Variants in RUNX1 observed in about 807,000 individuals in gnomAD.
The protein encoded by RUNX1 is RUNX family transcription factor 1.
A neutral mutation model predicts 42.8 loss-of-function variants in RUNX1; 19 were observed. That is an observed-to-expected ratio of 0.44 (90% CI 0.31 to 0.65). The LOEUF (loss-of-function observed/expected upper bound fraction) is 0.65. RUNX1 is among the 30% of genes least tolerant of loss of function. The pLI is 0.07. For missense variants in RUNX1, 528 were observed against 672.0 expected (o/e 0.79, Z 2.37); for synonymous variants, 271 against 289.4 (o/e 0.94, Z 0.64).
At position 34,790,016 on chromosome 21, in the gene RUNX1, T is replaced by A; in HGVS notation, c.*2119A>T. On this transcript the variant is annotated 3_prime_UTR_variant, in exon 9 of 9. Coordinates refer to ENST00000675419, the MANE Select transcript of RUNX1 (RefSeq NM_001754.5). ...TAAATTTTTACATTTGCTGACATTT[T>A]ATGGTAATTTAGCTGCAAAAATGTA... The A allele has an allele frequency of 4.3e-6, 1 of 233,140 alleles. No individual in the cohort carries two copies. Among genetic ancestry groups the A allele is most frequent in the Non-Finnish European group, 8.5e-6 (1 of 117,990 alleles). 14.4% of individuals were successfully genotyped at this position (233,140 alleles called of 1,614,324 possible). A position where few individuals can be genotyped will look rare whatever the true frequency, so the allele number is the denominator to read the frequency against.
chr21:34,801,449 T>A (rs1238828248), intron 7 of RUNX1, among the ~76,000 whole-genome samples: 1 of 152,252 alleles, frequency 6.6e-6, no homozygotes, highest in East Asian at 1.9e-4. Flanking sequence ...TTGCATAATA[T>A]TTCACAGCCT....
intron 2 of RUNX1, among the ~76,000 whole-genome samples, chr21:34,978,923 A>AACAC (rs1166279390): frequency 1.1e-5 from 1 of 87,592 alleles, no homozygotes; most frequent in Non-Finnish European, 2.5e-5. Context: ...TCTCAGACAA[A>AACAC]ACACACACAC....
chr21:34,821,135 C>T, intron 7 of RUNX1: 1 of 822,126 alleles, frequency 1.2e-6, no homozygotes, highest in African/African-American at 1.8e-5. Context: ...CCACCAATAC[C>T]TTTATCCACT....
intron 2 of RUNX1, among the ~76,000 whole-genome samples, chr21:35,034,542 A>G (rs143978736): frequency 1.3e-5 from 2 of 152,344 alleles, no homozygotes; most frequent in African/African-American, 4.8e-5. Context: ...TCCAAAAAAC[A>G]TTCCAGATTT....
At chr21:35,041,466 T>G (rs953330665) in intron 2 of RUNX1, among the ~76,000 whole-genome samples, 1 of 151,866 alleles carries the variant, frequency 6.6e-6, no homozygotes, top group African/African-American at 2.4e-5. Context: ...AAGAAGTCCA[T>G]CAAAAAATGG....
chr21:34,978,136 C>T (rs2058817111), intron 2 of RUNX1, among the ~76,000 whole-genome samples: 1 of 152,130 alleles, frequency 6.6e-6, no homozygotes, highest in African/African-American at 2.4e-5. Context: ...GACGGGGTTT[C>T]ACCGTGTTAG....
intron 2 of RUNX1, among the ~76,000 whole-genome samples, chr21:34,924,399 T>C (rs1292661934): frequency 6.6e-6 from 1 of 152,082 alleles, no homozygotes; most frequent in Admixed American, 6.6e-5. Context: ...TGGTGACTAA[T>C]TGTCTTGGAA....
At chr21:34,929,565 G>A (rs1418323898) in intron 2 of RUNX1, among the ~76,000 whole-genome samples, 3 of 152,124 alleles carry the variant, frequency 2.0e-5, no homozygotes, top group Non-Finnish European at 4.4e-5. Context: ...AATACCTTGA[G>A]GGAATACCTT....
chr21:34,841,903 G>A (rs189658584), intron 6 of RUNX1, among the ~76,000 whole-genome samples: 4 of 152,238 alleles, frequency 2.6e-5, no homozygotes, highest in Admixed American at 2.0e-4. Flanking sequence ...GCACCCATGG[G>A]ACTGTAAAGT....
At chr21:34,905,992 C>G (rs1288799444) in intron 2 of RUNX1, among the ~76,000 whole-genome samples, 1 of 152,158 alleles carries the variant, frequency 6.6e-6, no homozygotes, top group African/African-American at 2.4e-5. Flanking sequence ...AACAAGAATC[C>G]TCTCTCCTGG....
At chr21:34,928,002 G>C (rs2058408875) in intron 2 of RUNX1, among the ~76,000 whole-genome samples, 1 of 152,192 alleles carries the variant, frequency 6.6e-6, no homozygotes, top group South Asian at 2.1e-4. Context: ...GTAGGACCCA[G>C]TCTTTGGTGT....
In RUNX1 at chr21:34,792,674, C is replaced by T; in HGVS notation, c.968-64G>A. ...GAGGTTGCGGAGGCCACAGCTCTTC[C>T]CTCTGCCCCAGGGGGCTACCCAGGA... On this transcript the variant is annotated intron_variant, in intron 8 of 8. Transcript: ENST00000675419. The surrounding 1 kb of genome is among the most constrained non-coding windows in gnomAD (Gnocchi z 6.9). 1 of 1,453,712 alleles carries T rather than the reference C, an allele frequency of 6.9e-7. No individual in the cohort carries two copies. The highest frequency in any genetic ancestry group is 9.3e-7 in the Non-Finnish European group (1 of 1,078,798). 90.1% of individuals were successfully genotyped at this position (1,453,712 alleles called of 1,614,324 possible).
At chr21:34,862,599 A>C (rs1319983723) in intron 5 of RUNX1, among the ~76,000 whole-genome samples, 1 of 152,058 alleles carries the variant, frequency 6.6e-6, no homozygotes, top group Admixed American at 6.6e-5. Flanking sequence ...GCGTTTCCTG[A>C]CTTGCAGCTG....
chr21:35,037,659 G>A (rs1037941802), intron 2 of RUNX1, among the ~76,000 whole-genome samples: 3 of 152,176 alleles, frequency 2.0e-5, no homozygotes, highest in Non-Finnish European at 4.4e-5. Flanking sequence ...CTAACCACAA[G>A]CAGGTCACGT....
intron 2 of RUNX1, among the ~76,000 whole-genome samples, chr21:35,036,706 T>G (rs1318842278): frequency 6.6e-6 from 1 of 152,214 alleles, no homozygotes; most frequent in Non-Finnish European, 1.5e-5. Context: ...CCAGTAGGCG[T>G]GTGCATCTCA....
chr21:35,031,893 GTTAT>G (rs1050460059), intron 2 of RUNX1, among the ~76,000 whole-genome samples: 1 of 152,208 alleles, frequency 6.6e-6, no homozygotes, highest in Non-Finnish European at 1.5e-5. Context: ...TTAAAAAGAA[GTTAT>G]TTATTTTGGT....
chr21:34,831,416 G>C (rs757183389), intron 7 of RUNX1, among the ~76,000 whole-genome samples: 4 of 152,214 alleles, frequency 2.6e-5, no homozygotes, highest in Non-Finnish European at 5.9e-5. Flanking sequence ...TCCAGCACAT[G>C]TGATTCTAGG....
intron 4 of RUNX1, among the ~76,000 whole-genome samples, chr21:34,885,487 A>C (rs2057969713): frequency 6.6e-6 from 1 of 152,228 alleles, no homozygotes; most frequent in Non-Finnish European, 1.5e-5. Context: ...CCACTAAAAA[A>C]CAAAACAAAC....
chr21:34,925,383 A>G (rs746476540), intron 2 of RUNX1, among the ~76,000 whole-genome samples: 4 of 152,282 alleles, frequency 2.6e-5, no homozygotes, highest in Non-Finnish European at 4.4e-5. Flanking sequence ...TGCAATTATA[A>G]TCAAGTTAAG....
Sources: gnomAD v4.1 joint callset for allele counts (sites outside exome capture counted in the v4.1 genomes callset) on GRCh38, gnomAD v4.1.1 for gene constraint, Gnocchi (gnomAD v3.1) non-coding constraint, MANE v1.5 for transcripts, NCBI Gene and HGNC (gene_info 2026-07-23, HGNC 2026-07-21) for gene names.